Variants in MYO16 observed in about 807,000 individuals in gnomAD.
MYO16 encodes unconventional myosin-XVI.
In MYO16, 94 loss-of-function variants were observed where a neutral mutation model predicts 205.3. That is an observed-to-expected ratio of 0.46 (90% CI 0.39 to 0.54). The LOEUF is 0.54. MYO16 is among the 20% of genes least tolerant of loss of function. MYO16 has a pLI of 0.00. For missense variants in MYO16, 2,315 were observed against 2,387.5 expected (o/e 0.97, Z 0.63); for synonymous variants, 988 against 954.0 (o/e 1.04, Z -0.66).
chr13:108,940,858 A>G (rs574584150), intron 16 of MYO16, among the ~76,000 whole-genome samples: 11 of 152,352 alleles, frequency 7.2e-5, no homozygotes, highest in Non-Finnish European at 1.5e-4. Flanking sequence ...GTTAATCCAC[A>G]AAATAGTTTA....
intron 20 of MYO16, among the ~76,000 whole-genome samples, chr13:108,967,018 AT>A (rs1395992469): frequency 1.3e-5 from 2 of 152,026 alleles, no homozygotes; most frequent in Non-Finnish European, 2.9e-5. Context: ...GAATAGACAT[AT>A]TTTTCACAGT....
chr13:108,622,125 A>G (rs1879566061), intron 1 of MYO16, among the ~76,000 whole-genome samples: 1 of 152,170 alleles, frequency 6.6e-6, no homozygotes, highest in African/African-American at 2.4e-5. Context: ...ATTACTGTGA[A>G]GGGGTTTCTA....
upstream of MYO16, among the ~76,000 whole-genome samples, chr13:108,593,236 C>G (rs1468686904): frequency 1.3e-5 from 2 of 152,066 alleles, no homozygotes; most frequent in Non-Finnish European, 2.9e-5. Flanking sequence ...TTAAAATAAA[C>G]GAAAATGCTC....
intron 16 of MYO16, among the ~76,000 whole-genome samples, chr13:108,936,414 C>CT (rs1882494796): frequency 6.6e-6 from 1 of 151,926 alleles, no homozygotes; most frequent in Admixed American, 6.6e-5. Context: ...TGGTATTGGT[C>CT]TGTTCAGTGT....
intron 4 of MYO16, among the ~76,000 whole-genome samples, chr13:108,743,327 A>G (rs1441482886): frequency 6.6e-6 from 1 of 152,188 alleles, no homozygotes; most frequent in Non-Finnish European, 1.5e-5. Flanking sequence ...TTTTTCTATA[A>G]AAATCCATCA....
At chr13:108,892,048 A>T (rs1454840394) in intron 14 of MYO16, among the ~76,000 whole-genome samples, 1 of 152,178 alleles carries the variant, frequency 6.6e-6, no homozygotes, top group African/African-American at 2.4e-5. Context: ...CTTGTGAATT[A>T]TAAGTAATTT....
At chr13:108,854,684 A>G (rs569003379) in intron 10 of MYO16, among the ~76,000 whole-genome samples, 3 of 152,240 alleles carry the variant, frequency 2.0e-5, no homozygotes, top group African/African-American at 7.2e-5. Flanking sequence ...CACTACTACC[A>G]TATTACATCA....
rs767894099 is a variant in MYO16 at position 108,727,607 on chromosome 13, C to T, written c.507+24C>T. On this transcript the variant is annotated intron_variant, in intron 4 of 34. Transcript: ENST00000457511. ...TAGTAAGTAAAGCAATTCAGTTTACCATTTGAAGATTTGATGGCATGTAAA... is the reference window on the plus strand; with the variant it reads ...TAGTAAGTAAAGCAATTCAGTTTACTATTTGAAGATTTGATGGCATGTAAA... 6 of 1,590,574 alleles carry T rather than the reference C, an allele frequency of 3.8e-6. No individual in the cohort carries two copies. The Admixed American group carries it at 1.1e-4, about 29-fold the overall frequency.
At chr13:109,093,605 C>T (rs956012478) in intron 27 of MYO16, among the ~76,000 whole-genome samples, 2 of 152,132 alleles carry the variant, frequency 1.3e-5, no homozygotes, top group South Asian at 2.1e-4. Context: ...CTGTGGGAAA[C>T]GTCAGCCACA....
At chr13:108,641,230 T>A (rs1054579098) in intron 1 of MYO16, among the ~76,000 whole-genome samples, 1 of 152,222 alleles carries the variant, frequency 6.6e-6, no homozygotes, top group Non-Finnish European at 1.5e-5. Context: ...TTCTAACTAC[T>A]CTACCATTTT....
intron 4 of MYO16, among the ~76,000 whole-genome samples, chr13:108,782,798 G>T (rs949774602): frequency 1.1e-4 from 17 of 152,304 alleles, no homozygotes; most frequent in African/African-American, 4.1e-4. Flanking sequence ...GGCTTCAGAG[G>T]GTGGAAGCCC....
chr13:108,971,158 A>T (rs1883991954), intron 20 of MYO16, among the ~76,000 whole-genome samples: 1 of 152,142 alleles, frequency 6.6e-6, no homozygotes. Context: ...AGCAAATGTT[A>T]AATTCAATGT....
intron 28 of MYO16, among the ~76,000 whole-genome samples, chr13:109,107,143 G>A (rs1224348955): frequency 6.6e-6 from 1 of 152,130 alleles, no homozygotes; most frequent in Non-Finnish European, 1.5e-5. Flanking sequence ...GACAGAGAGA[G>A]AGGCTCTGAA....
chr13:108,906,956 G>T (rs1222553744), intron 15 of MYO16, among the ~76,000 whole-genome samples: 1 of 152,148 alleles, frequency 6.6e-6, no homozygotes, highest in African/African-American at 2.4e-5. Context: ...GAGATGGAAA[G>T]AAATGCATAG....
chr13:108,687,397 A>T (rs1372537373), intron 2 of MYO16, among the ~76,000 whole-genome samples: 2 of 152,030 alleles, frequency 1.3e-5, no homozygotes, highest in Non-Finnish European at 2.9e-5. Context: ...TGTTTTCTTC[A>T]CCTTAAACCA....
intron 15 of MYO16, among the ~76,000 whole-genome samples, chr13:108,904,460 C>G (rs1209047585): frequency 6.6e-6 from 1 of 152,090 alleles, no homozygotes; most frequent in Non-Finnish European, 1.5e-5. Flanking sequence ...AATACATTGC[C>G]TGAATCCCTA....
intron 16 of MYO16, among the ~76,000 whole-genome samples, chr13:108,945,689 T>A (rs1328716379): frequency 6.6e-6 from 1 of 152,220 alleles, no homozygotes; most frequent in Non-Finnish European, 1.5e-5. Context: ...AATAGCCAGA[T>A]CCAATATCCT....
intron 4 of MYO16, among the ~76,000 whole-genome samples, chr13:108,777,430 A>G (rs1382743055): frequency 6.6e-6 from 1 of 152,220 alleles, no homozygotes; most frequent in Non-Finnish European, 1.5e-5. Context: ...TGTTCCCCAC[A>G]TCGGGGAGAG....
chr13:108,643,237 G>A (rs138655419), intron 1 of MYO16, among the ~76,000 whole-genome samples: 1 of 152,300 alleles, frequency 6.6e-6, no homozygotes, highest in East Asian at 1.9e-4. Context: ...AGAATGTCAT[G>A]TAAATGAAGT....
Sources: allele counts gnomAD v4.1 joint callset (sites outside exome capture counted in the v4.1 genomes callset), GRCh38; gene constraint gnomAD v4.1.1; transcripts MANE v1.5; gene names NCBI Gene and HGNC (gene_info 2026-07-23, HGNC 2026-07-21).